SLC11A2: variants seen among roughly 807,000 people sequenced by gnomAD.
The protein encoded by SLC11A2 is solute carrier family 11 member 2.
In SLC11A2, 38 loss-of-function variants were observed where a neutral mutation model predicts 68.0. The ratio of observed to expected loss-of-function variants is 0.56; its 90% CI spans 0.43 to 0.73. The LOEUF is 0.73. Among genes scored for constraint, SLC11A2 ranks in the 30% least tolerant of loss-of-function variants. The pLI, the probability that SLC11A2 is intolerant of heterozygous loss-of-function variation, is 0.00. For synonymous variants in SLC11A2, 242 were observed against 250.6 expected, an observed-to-expected ratio of 0.97 and a Z score of 0.32; for missense variants, 517 against 690.5, an observed-to-expected ratio of 0.75 and a Z score of 2.82.
intron 5 of SLC11A2, 28 bp from the exon 6 acceptor site, chr12:51,000,447 G>A: frequency 1.3e-6 from 2 of 1,522,070 alleles, no homozygotes; most frequent in Non-Finnish European, 1.8e-6. Flanking sequence ...GAAAGACACG[G>A]TTCTGATTAA....
In SLC11A2 at chr12:50,987,065, G is replaced by A. The variant is rs1272030786; in HGVS notation, c.*1260C>T. 5.4e-6 allele frequency: 7 copies of A among 1,286,210 alleles called. No homozygotes were observed. Among genetic ancestry groups the A allele is most frequent in the Middle Eastern group, 6.5e-4 (2 of 3,072 alleles). The allele number at this position is 1,286,210 out of a possible 1,614,324, so 79.7% of individuals were successfully genotyped here. On this transcript the variant is annotated 3_prime_UTR_variant, in exon 16 of 16. Transcript: ENST00000262052. The stretch of plus-strand genomic sequence containing the variant: ...GAGATAATCACACAATCTCAGGCTC[G>A]GTATGTAAAAATGTCAGAAGTGGCT...
chr12:51,028,292 C>T (rs1213120327), upstream of SLC11A2: 2 of 1,294,362 alleles, frequency 1.5e-6, no homozygotes, highest in Non-Finnish European at 1.1e-6. Context: ...AAGTGCGCCT[C>T]CCTCAGTTAG....
the SLC11A2 span, among the ~76,000 whole-genome samples, chr12:50,973,702 G>A: frequency 2.0e-5 from 3 of 152,190 alleles, no homozygotes; most frequent in Non-Finnish European, 4.4e-5. Flanking sequence ...AGCTAAAGGA[G>A]GAAGTTCAAA....
the SLC11A2 span, among the ~76,000 whole-genome samples, chr12:50,974,308 A>T: frequency 6.6e-6 from 1 of 152,270 alleles, no homozygotes; most frequent in Non-Finnish European, 1.5e-5. Flanking sequence ...AAACTCTACA[A>T]GCCAGAAGAG....
the SLC11A2 span, chr12:50,960,918 G>A: frequency 1.1e-4 from 159 of 1,425,090 alleles, no homozygotes; most frequent in Middle Eastern, 5.4e-4. Context: ...GGTCTCACAC[G>A]ATGCTCCTGC....
chr12:51,022,451 A>G (rs1471883138), intron 1 of SLC11A2, among the ~76,000 whole-genome samples: 1 of 151,744 alleles, frequency 6.6e-6, no homozygotes, highest in East Asian at 1.9e-4. Context: ...AAAAAAAAAA[A>G]AAAAAATCCC....
At chr12:50,957,925 T>A in the SLC11A2 span, among the ~76,000 whole-genome samples, 2 of 142,942 alleles carry the variant, frequency 1.4e-5, no homozygotes, top group Non-Finnish European at 3.0e-5. Context: ...ACTACTGTAT[T>A]CATGAATTGG....
chr12:50,995,886 A>G, intron 9 of SLC11A2, 99 bp from the exon 10 acceptor site: 2 of 1,119,310 alleles, frequency 1.8e-6, no homozygotes, highest in South Asian at 1.3e-5. Flanking sequence ...TTAGGGGACA[A>G]AAGTTGACCA....
the SLC11A2 span, among the ~76,000 whole-genome samples, chr12:50,967,271 A>G: frequency 6.6e-6 from 1 of 151,942 alleles, no homozygotes; most frequent in Admixed American, 6.6e-5. Context: ...CCTCATTCCC[A>G]CAGAGCTGGG....
chr12:50,957,937 GGTGT>G, the SLC11A2 span, among the ~76,000 whole-genome samples: 7,318 of 132,358 alleles, frequency 0.055, 298 homozygotes, highest in East Asian at 0.26. Flanking sequence ...ATGAATTGGA[GGTGT>G]GTGTGTGTGT....
At chr12:50,993,068 G>A (rs620634) in intron 11 of SLC11A2, 139 bp from the exon 12 acceptor site, 1 of 987,378 alleles carries the variant, frequency 1.0e-6, no homozygotes, top group Non-Finnish European at 1.6e-6. Flanking sequence ...CACTGTGCCA[G>A]AAGCTAGGCT....
At chr12:50,952,691 G>A in the SLC11A2 span, among the ~76,000 whole-genome samples, 1 of 152,230 alleles carries the variant, frequency 6.6e-6, no homozygotes, top group Non-Finnish European at 1.5e-5. Context: ...TGCAGGAGGC[G>A]CACCTGCGAT....
At chr12:50,962,517 T>C in the SLC11A2 span, among the ~76,000 whole-genome samples, 3 of 151,798 alleles carry the variant, frequency 2.0e-5, no homozygotes, top group Non-Finnish European at 2.9e-5. Context: ...CTGGCCAACA[T>C]GGTGAAACCC....
In SLC11A2 at chr12:50,996,856, G is replaced by T. The variant is rs1318939625; in HGVS notation, c.792C>A (p.Ile264=). ...EQAVGIVGAV[I]MPHNMYLHSA... is the part of the protein sequence containing the mutation. ...AATGCAGGTACATGTTGTGTGGCAT[G>T]ATGACAGCTCCCACGATGCCCACAG... The change falls in exon 9 of 16, where the codon ATC becomes ATA. Residue 264 remains isoleucine (I), a synonymous_variant. Coordinates refer to ENST00000262052, the MANE Select transcript of SLC11A2 (RefSeq NM_000617.3). 5 of 1,614,032 alleles carry T rather than the reference G, an allele frequency of 3.1e-6. No individual in the cohort carries two copies. The highest frequency in any genetic ancestry group is 4.2e-6 in the Non-Finnish European group (5 of 1,180,010).
At chr12:50,954,994 A>G in the SLC11A2 span, among the ~76,000 whole-genome samples, 75 of 152,046 alleles carry the variant, frequency 4.9e-4, 1 homozygote, top group South Asian at 0.013. Context: ...GGACTAAAGA[A>G]GTGATACTAT....
downstream of SLC11A2, chr12:50,979,711 A>C (rs946111590): frequency 1.5e-4 from 57 of 383,672 alleles, no homozygotes; most frequent in African/African-American, 1.2e-3. Flanking sequence ...AGAAATGAGG[A>C]AATTTTAAAG....
chr12:51,002,301 T>A (rs1942317429), intron 5 of SLC11A2, among the ~76,000 whole-genome samples: 1 of 151,980 alleles, frequency 6.6e-6, no homozygotes. Flanking sequence ...TGAGCCATGA[T>A]TGTGCCACTG....
At chr12:50,991,342 C>T in intron 14 of SLC11A2, 1 of 560,498 alleles carries the variant, frequency 1.8e-6, no homozygotes, top group Non-Finnish European at 3.2e-6. Context: ...ATTAAGGTGC[C>T]TCAAACTTCA....
chr12:51,026,289 C>A (rs1279373977), intron 1 of SLC11A2, 21 bp downstream of exon 1: 1 of 1,244,438 alleles, frequency 8.0e-7, no homozygotes, highest in Non-Finnish European at 1.1e-6. Flanking sequence ...GCCGTGACCC[C>A]TGACCTTGCC....
Sources: allele counts gnomAD v4.1 joint callset (sites outside exome capture counted in the v4.1 genomes callset), GRCh38; gene constraint gnomAD v4.1.1; transcripts MANE v1.5; gene names NCBI Gene and HGNC (gene_info 2026-07-23, HGNC 2026-07-21).